Variants in AFF3 observed in about 807,000 individuals in gnomAD.
AFF3 encodes the protein ALF transcription elongation factor 3, also known as AF4/FMR2 family member 3.
In AFF3, 32 loss-of-function variants were observed where a neutral mutation model predicts 129.7. That is an observed-to-expected ratio of 0.25 (90% CI 0.19 to 0.33). The LOEUF (loss-of-function observed/expected upper bound fraction) is 0.33. AFF3 is among the 10% of genes least tolerant of loss of function. The pLI, the probability that AFF3 is intolerant of heterozygous loss-of-function variation, is 1.00. For synonymous variants in AFF3, 644 were observed against 635.4 expected (o/e 1.01, Z -0.20); for missense variants, 1,373 against 1,592.0 (o/e 0.86, Z 2.34).
chr2:99,929,021 T>TA (rs900388826), intron 7 of AFF3, among the ~76,000 whole-genome samples: 5 of 151,970 alleles, frequency 3.3e-5, no homozygotes, highest in Non-Finnish European at 5.9e-5. Flanking sequence ...TTTAAAGAAG[T>TA]AAAAAAAGAA....
intron 7 of AFF3, among the ~76,000 whole-genome samples, chr2:99,943,473 C>T (rs1263331325): frequency 2.0e-5 from 3 of 152,202 alleles, no homozygotes; most frequent in Non-Finnish European, 4.4e-5. Context: ...GGTGATACAT[C>T]TGATTTTCAA....
chr2:99,651,691 C>T (rs1293065663), intron 12 of AFF3, among the ~76,000 whole-genome samples: 1 of 152,146 alleles, frequency 6.6e-6, no homozygotes, highest in Non-Finnish European at 1.5e-5. Flanking sequence ...ATCCACCCGC[C>T]TCTGCCCCTC....
chr2:99,900,517 G>A (rs981223619), intron 7 of AFF3, among the ~76,000 whole-genome samples: 11 of 151,844 alleles, frequency 7.2e-5, no homozygotes, highest in Admixed American at 2.6e-4. Context: ...GACCACTGCC[G>A]CCTTCAAAGA....
chr2:99,638,377 C>A (rs1361151054), intron 13 of AFF3, among the ~76,000 whole-genome samples: 2 of 152,004 alleles, frequency 1.3e-5, no homozygotes, highest in Non-Finnish European at 2.9e-5. Context: ...TTTTCACTGC[C>A]TCTAGGGACA....
chr2:99,718,983 C>T (rs1678632006), intron 11 of AFF3, among the ~76,000 whole-genome samples: 1 of 151,234 alleles, frequency 6.6e-6, no homozygotes, highest in African/African-American at 2.4e-5. Context: ...GATCTCCTGA[C>T]CTCATGATCC....
intron 18 of AFF3, among the ~76,000 whole-genome samples, chr2:99,569,175 C>A (rs1026420794): frequency 6.6e-6 from 1 of 151,940 alleles, no homozygotes; most frequent in Non-Finnish European, 1.5e-5. Context: ...CCCCCTAGGG[C>A]CTAATTTGTG....
chr2:99,603,191 A>G (rs1680002727), intron 13 of AFF3, among the ~76,000 whole-genome samples: 1 of 152,032 alleles, frequency 6.6e-6, no homozygotes, highest in African/African-American at 2.4e-5. Context: ...GGCAAGGCAC[A>G]GTTAGAGCTC....
intron 13 of AFF3, among the ~76,000 whole-genome samples, chr2:99,623,170 T>A (rs1172359726): frequency 6.7e-6 from 1 of 148,562 alleles, no homozygotes; most frequent in African/African-American, 2.5e-5. Flanking sequence ...TTTTTTTTTT[T>A]AACTTATAAG....
chr2:99,604,315 C>A (rs1680126798), intron 13 of AFF3, among the ~76,000 whole-genome samples: 1 of 152,116 alleles, frequency 6.6e-6, no homozygotes, highest in African/African-American at 2.4e-5. Context: ...AGATTATGTC[C>A]TTTGCAGGGA....
intron 11 of AFF3, among the ~76,000 whole-genome samples, chr2:99,717,932 C>T (rs1228530169): frequency 6.6e-6 from 1 of 152,194 alleles, no homozygotes; most frequent in African/African-American, 2.4e-5. Flanking sequence ...TGAAAAGACC[C>T]GGCTTTCCCC....
intron 7 of AFF3, among the ~76,000 whole-genome samples, chr2:99,866,962 C>CATAATAATA (rs1191700795): frequency 3.7e-4 from 35 of 93,896 alleles, no homozygotes; most frequent in East Asian, 3.5e-3. Flanking sequence ...GGTAACACAG[C>CATAATAATA]ATAATAATAA....
At chr2:99,907,579 C>T (rs1694805835) in intron 7 of AFF3, among the ~76,000 whole-genome samples, 2 of 151,034 alleles carry the variant, frequency 1.3e-5, no homozygotes, top group Admixed American at 1.3e-4. Flanking sequence ...GCTAACATTG[C>T]CTTTGGTCTT....
At chr2:99,875,050 G>C (rs1692181623) in intron 7 of AFF3, among the ~76,000 whole-genome samples, 1 of 152,160 alleles carries the variant, frequency 6.6e-6, no homozygotes, top group Admixed American at 6.5e-5. Context: ...AAAATAGAAA[G>C]TTTTAAAATG....
At chr2:99,560,225 A>T in intron 21 of AFF3, 140 bp downstream of exon 21, 1 of 863,128 alleles carries the variant, frequency 1.2e-6, no homozygotes, top group Non-Finnish European at 1.8e-6. Flanking sequence ...AATGGTCTGG[A>T]CTTTCCCTGG....
At chr2:99,901,720 C>G (rs541350251) in intron 7 of AFF3, among the ~76,000 whole-genome samples, 19 of 152,306 alleles carry the variant, frequency 1.2e-4, no homozygotes, top group African/African-American at 4.6e-4. Context: ...TCATTCTTAT[C>G]AAATTGTTGC....
At chr2:99,705,572 C>T (rs1320517276) in intron 11 of AFF3, among the ~76,000 whole-genome samples, 8 of 151,916 alleles carry the variant, frequency 5.3e-5, no homozygotes, top group Non-Finnish European at 2.9e-5. Context: ...TTTTCTTTTG[C>T]ATTAAAAAAC....
chr2:99,927,901 G>C (rs1005703435), intron 7 of AFF3, among the ~76,000 whole-genome samples: 2 of 152,144 alleles, frequency 1.3e-5, no homozygotes, highest in African/African-American at 2.4e-5. Context: ...TGGTGGGAGG[G>C]ACCCAGTGGG....
chr2:100,024,589 C>T (rs1255997877), intron 4 of AFF3, among the ~76,000 whole-genome samples: 1 of 151,678 alleles, frequency 6.6e-6, no homozygotes, highest in Non-Finnish European at 1.5e-5. Context: ...GCCTGGGCAA[C>T]AAGAGTGAAA....
chr2:99,669,904 C>T (rs1575650011), intron 12 of AFF3, among the ~76,000 whole-genome samples: 1 of 152,240 alleles, frequency 6.6e-6, no homozygotes, highest in African/African-American at 2.4e-5. Context: ...GAGCCAAGGT[C>T]ATGCCACTGC....
Sources: gnomAD v4.1 joint callset for allele counts (sites outside exome capture counted in the v4.1 genomes callset) on GRCh38, gnomAD v4.1.1 for gene constraint, MANE v1.5 for transcripts, NCBI Gene and HGNC (gene_info 2026-07-23, HGNC 2026-07-21) for gene names.